The following EIF2AK4 variants were observed in gnomAD, a reference collection of about 807,000 sequenced individuals.
The protein encoded by EIF2AK4 is eukaryotic translation initiation factor 2 alpha kinase 4.
In EIF2AK4, 139 loss-of-function variants were observed where a neutral mutation model predicts 211.1. The ratio of observed to expected loss-of-function variants is 0.66; its 90% CI spans 0.57 to 0.76. EIF2AK4 has a LOEUF of 0.76. EIF2AK4 is among the 30% of genes least tolerant of loss of function. The pLI is 0.00. For synonymous variants in EIF2AK4, 710 were observed against 751.3 expected (o/e 0.94, Z 0.90); for missense variants, 1,664 against 2,043.8 (o/e 0.81, Z 3.58).
Position 40,016,641 on chromosome 15 carries a change from G to T in EIF2AK4, c.3899G>T (p.Gly1300Val). ...TTAAAAGACCTAGAGGAGGTTGTTG[G>T]ACTGTTGAAGAAACTCGGCATCAAG... The part of the protein sequence containing the change: ...YGLKDLEEVV[G>V]LLKKLGIKLQ... The change falls in exon 28 of 39, where the codon GGA becomes GTA. Residue 1300 changes from glycine to valine, a missense_variant. Around this residue, in one of 7 missense-constraint regions of EIF2AK4, gnomAD observed 622 missense variants for 796.8 expected, o/e 0.78. Coordinates refer to ENST00000263791, the MANE Select transcript of EIF2AK4 (RefSeq NM_001013703.4). The T allele has an allele frequency of 6.2e-7, 1 of 1,614,188 alleles. No homozygotes were observed. The highest frequency in any genetic ancestry group is 8.5e-7 in the Non-Finnish European group (1 of 1,180,032).
At chr15:39,978,173 C>A in intron 13 of EIF2AK4, 26 bp downstream of exon 13, 2 of 1,325,444 alleles carry the variant, frequency 1.5e-6, no homozygotes, top group South Asian at 1.4e-5. Context: ...GAAATTATAT[C>A]ATTTTATTCG....
chr15:39,973,877 C>G, intron 11 of EIF2AK4, 128 bp downstream of exon 11: 1 of 1,002,310 alleles, frequency 1.0e-6, no homozygotes, highest in Non-Finnish European at 1.5e-6. Flanking sequence ...GGATACTATG[C>G]TCATCCTCAC....
intron 9 of EIF2AK4, among the ~76,000 whole-genome samples, chr15:39,971,254 T>C (rs1409428128): frequency 2.6e-5 from 4 of 152,212 alleles, no homozygotes. Flanking sequence ...CAGGGCGTGA[T>C]ACCTCACACC....
chr15:40,007,161 C>T (rs2035172915), intron 24 of EIF2AK4, 96 bp downstream of exon 24: 1 of 1,134,976 alleles, frequency 8.8e-7, no homozygotes, highest in East Asian at 2.6e-5. Flanking sequence ...GTGATCCTTA[C>T]ACAGTTAAGA....
intron 9 of EIF2AK4, among the ~76,000 whole-genome samples, chr15:39,969,522 G>T: frequency 6.6e-6 from 1 of 151,790 alleles, no homozygotes; most frequent in Non-Finnish European, 1.5e-5. Context: ...TACTACACCC[G>T]GCTAATGTTT....
chr15:40,022,063 T>C (rs2035395265), intron 31 of EIF2AK4: 1 of 159,706 alleles, frequency 6.3e-6, no homozygotes, highest in Non-Finnish European at 1.4e-5. Context: ...GTGACCTCAG[T>C]CCTGCACAGT....
In EIF2AK4 at chr15:39,962,719, G is replaced by T. The variant is rs2034490433; in HGVS notation, c.859+820G>T. Among the ~76,000 whole-genome samples the T allele has an allele frequency of 3.3e-5, 5 of 152,298 alleles. No homozygotes were observed. In the South Asian group the frequency reaches 1.0e-3, roughly 32 times the overall value. ...AAGAAGACCACCTTATTTTCTATATGCCTTATTTAGAAGTTTTGTCTACTC... is the reference window on the plus strand; with the variant it reads ...AAGAAGACCACCTTATTTTCTATATTCCTTATTTAGAAGTTTTGTCTACTC... On this transcript the variant is annotated intron_variant, in intron 7 of 38. Transcript: ENST00000263791.
intron 26 of EIF2AK4, among the ~76,000 whole-genome samples, chr15:40,010,843 A>G (rs1292329070): frequency 6.6e-6 from 1 of 152,176 alleles, no homozygotes; most frequent in East Asian, 1.9e-4. Context: ...GGACACTGGC[A>G]GAAACCCCAG....
intron 29 of EIF2AK4, among the ~76,000 whole-genome samples, chr15:40,018,805 G>A (rs1275732152): frequency 6.6e-6 from 1 of 152,056 alleles, no homozygotes; most frequent in East Asian, 1.9e-4. Flanking sequence ...TGTTTTACAT[G>A]TACAGCATGT....
At chr15:39,959,946 G>C (rs942123250) in intron 6 of EIF2AK4, among the ~76,000 whole-genome samples, 1 of 152,054 alleles carries the variant, frequency 6.6e-6, no homozygotes, top group South Asian at 2.1e-4. Context: ...GGCAGATCAC[G>C]AGGTCAGGAG....
At chr15:40,024,475 C>A (rs553045169) in intron 32 of EIF2AK4, among the ~76,000 whole-genome samples, 1 of 131,202 alleles carries the variant, frequency 7.6e-6, no homozygotes, top group South Asian at 2.5e-4. Context: ...GTGGTGCAAT[C>A]TCCACTTGCT....
chr15:39,944,726 C>A (rs2034203223), intron 3 of EIF2AK4, among the ~76,000 whole-genome samples: 1 of 152,212 alleles, frequency 6.6e-6, no homozygotes, highest in Admixed American at 6.5e-5. Context: ...AGCCACCGCA[C>A]CCGGCCAACG....
At chr15:39,960,470 C>T (rs10152402) in intron 6 of EIF2AK4, among the ~76,000 whole-genome samples, 83,340 of 151,810 alleles carry the variant, frequency 0.55, 23,157 homozygotes, top group South Asian at 0.66. Flanking sequence ...TGACTATGCC[C>T]CTAACCAAAA....
At position 40,017,260 on chromosome 15, in the gene EIF2AK4, A is replaced by G; in HGVS notation, c.4065+18A>G. The G allele has an allele frequency of 6.3e-7, 1 of 1,589,452 alleles. No individual in the cohort carries two copies. Among genetic ancestry groups the G allele is most frequent in the Non-Finnish European group, 8.6e-7 (1 of 1,161,678 alleles). On this transcript the variant is annotated intron_variant, in intron 29 of 38. Coordinates refer to ENST00000263791, the MANE Select transcript of EIF2AK4 (RefSeq NM_001013703.4). ...ACCTGCTGGTGAGGGCTTGCCCTTT[A>G]TTTATTTGCTCTGACTTAATTTTAT...
intron 30 of EIF2AK4, among the ~76,000 whole-genome samples, 187 bp downstream of exon 30, chr15:40,019,387 A>C (rs2035353052): frequency 1.3e-5 from 2 of 152,178 alleles, no homozygotes; most frequent in Admixed American, 1.3e-4. Context: ...TTCAGTCCTT[A>C]TCATCTGTTC....
At position 40,017,551 on chromosome 15, in the gene EIF2AK4, A is replaced by ATGTATGTATG. The variant is rs1555422344; in HGVS notation, c.4065+310_4065+311insGTATGTATGT. 8.2e-3 allele frequency among the ~76,000 whole-genome samples: 711 copies of ATGTATGTATG among 86,644 alleles called. 44 individuals are homozygous for ATGTATGTATG. The highest frequency in any genetic ancestry group is 0.012 in the Non-Finnish European group (510 of 43,204). The allele number at this position is 86,644 out of a possible 152,430, so 56.8% of individuals were successfully genotyped here. A position where few individuals can be genotyped will look rare whatever the true frequency, so the allele number is the denominator to read the frequency against. ...TATATATATATATATATATATATAT[A>ATGTATGTATG]TATGTATTTTGGAGACAGGGCCTTG... On this transcript the variant is annotated intron_variant, in intron 29 of 38. Transcript: ENST00000263791.
intron 18 of EIF2AK4, 57 bp downstream of exon 18, chr15:39,992,905 T>C: frequency 6.5e-7 from 1 of 1,543,580 alleles, no homozygotes; most frequent in Non-Finnish European, 9.0e-7. Flanking sequence ...GACATCTAGA[T>C]CACAGCATTT....
intron 3 of EIF2AK4, 116 bp downstream of exon 3, chr15:39,943,601 G>A (rs1413850651): frequency 1.3e-6 from 1 of 788,130 alleles, no homozygotes; most frequent in South Asian, 1.7e-5. Context: ...GGAACATTGT[G>A]ATTTTTATTT....
chr15:39,963,199 T>C (rs2640645), intron 7 of EIF2AK4, among the ~76,000 whole-genome samples: 139,023 of 152,240 alleles, frequency 0.91, 63,893 homozygotes, highest in Middle Eastern at 0.97. Context: ...AAAGGAATCA[T>C]TGGGCAGGTT....
Sources: allele counts gnomAD v4.1 joint callset (sites outside exome capture counted in the v4.1 genomes callset), GRCh38; gene constraint gnomAD v4.1.1; regional missense constraint gnomAD v4.1.1; transcripts MANE v1.5; gene names NCBI Gene and HGNC (gene_info 2026-07-23, HGNC 2026-07-21).